EYS: variants seen among roughly 807,000 people sequenced by gnomAD.
EYS encodes protein eyes shut homolog.
In EYS, 250 loss-of-function variants were observed where a neutral mutation model predicts 282.1. That is an observed-to-expected ratio of 0.89 (90% CI 0.80 to 0.98). The LOEUF is 0.98. Among genes scored for constraint, EYS ranks in the 50% least tolerant of loss-of-function variants. The pLI is 0.00. For missense variants in EYS, 4,016 were observed against 3,709.0 expected, an observed-to-expected ratio of 1.08 and a Z score of -2.15; for synonymous variants, 1,355 against 1,282.9, an observed-to-expected ratio of 1.06 and a Z score of -1.20.
chr6:65,443,236 A>G (rs1048332448), intron 5 of EYS, among the ~76,000 whole-genome samples: 3 of 151,784 alleles, frequency 2.0e-5, no homozygotes, highest in African/African-American at 7.2e-5. Flanking sequence ...GTATGTGAAC[A>G]TATAGACATA....
intron 36 of EYS, among the ~76,000 whole-genome samples, chr6:63,843,961 A>G (rs1024546506): frequency 6.6e-6 from 1 of 152,180 alleles, no homozygotes; most frequent in African/African-American, 2.4e-5. Flanking sequence ...TCACCTGGGC[A>G]TTAAACCCAG....
At chr6:65,148,176 C>T (rs1764524618) in intron 12 of EYS, among the ~76,000 whole-genome samples, 4 of 152,104 alleles carry the variant, frequency 2.6e-5, no homozygotes, top group Admixed American at 1.3e-4. Flanking sequence ...TTAACTGATT[C>T]CAGCATGAAC....
At chr6:64,096,196 A>G (rs1199672661) in intron 31 of EYS, among the ~76,000 whole-genome samples, 1 of 152,090 alleles carries the variant, frequency 6.6e-6, no homozygotes, top group Admixed American at 6.6e-5. Flanking sequence ...TTTATCCTTC[A>G]TTTCAACTTT....
chr6:64,393,345 C>A (rs1310139895), intron 28 of EYS, among the ~76,000 whole-genome samples: 4 of 152,162 alleles, frequency 2.6e-5, no homozygotes, highest in Non-Finnish European at 5.9e-5. Flanking sequence ...GAATTTTAGA[C>A]CAATATCCTT....
Position 65,495,853 on chromosome 6 carries a change from AC to A in EYS, c.-198+5del. The A allele has an allele frequency of 5.7e-6, 1 of 175,484 alleles. No homozygotes were observed. The highest frequency in any genetic ancestry group is 1.3e-4 in the South Asian group (1 of 7,872). The allele number at this position is 175,484 out of a possible 1,614,324, so 10.9% of individuals were successfully genotyped here. ...GTTTCATGACATAATTAAGCCAGCA[AC>A]TTACTGCGGTCTTTTGTGTTTTCTC... On this transcript the variant is annotated splice_donor_5th_base_variant and intron_variant, in intron 3 of 42. Transcript: ENST00000503581.
At chr6:64,311,979 G>GTTTTTTT (rs61332669) in intron 29 of EYS, among the ~76,000 whole-genome samples, 1 of 139,946 alleles carries the variant, frequency 7.1e-6, no homozygotes, top group African/African-American at 2.8e-5. Flanking sequence ...GCTGCAGAAG[G>GTTTTTTT]TTTTTTTTTT....
At chr6:64,734,178 T>C (rs1336471008) in intron 22 of EYS, among the ~76,000 whole-genome samples, 3 of 151,758 alleles carry the variant, frequency 2.0e-5, no homozygotes, top group Non-Finnish European at 2.9e-5. Context: ...GCTGGCCATA[T>C]GGAGAAATTC....
intron 5 of EYS, among the ~76,000 whole-genome samples, chr6:65,445,722 A>C: frequency 6.6e-6 from 1 of 151,836 alleles, no homozygotes; most frequent in Non-Finnish European, 1.5e-5. Context: ...TTTATATAGA[A>C]ATAATATATC....
At chr6:65,227,155 A>C (rs1426620199) in intron 12 of EYS, among the ~76,000 whole-genome samples, 6 of 147,074 alleles carry the variant, frequency 4.1e-5, no homozygotes, top group African/African-American at 1.1e-4. Context: ...CAACAACAAC[A>C]ACCAAAAAAA....
At chr6:64,431,145 G>A (rs1225284296) in intron 28 of EYS, among the ~76,000 whole-genome samples, 1 of 152,100 alleles carries the variant, frequency 6.6e-6, no homozygotes, top group Non-Finnish European at 1.5e-5. Flanking sequence ...TACACATTCA[G>A]GCTTTACCCT....
chr6:64,795,000 C>A (rs1229911126), intron 22 of EYS, among the ~76,000 whole-genome samples: 1 of 151,968 alleles, frequency 6.6e-6, no homozygotes, highest in African/African-American at 2.4e-5. Flanking sequence ...TTTGGCAGGC[C>A]GAGGCAGGTG....
chr6:64,486,517 T>G (rs1776582735), intron 26 of EYS, among the ~76,000 whole-genome samples: 1 of 151,448 alleles, frequency 6.6e-6, no homozygotes, highest in African/African-American at 2.4e-5. Context: ...TTTAACATAT[T>G]TACTGCTAAG....
At chr6:65,032,683 T>A (rs920996592) in intron 13 of EYS, among the ~76,000 whole-genome samples, 2 of 152,112 alleles carry the variant, frequency 1.3e-5, no homozygotes, top group East Asian at 3.9e-4. Context: ...CTCTCTTTTT[T>A]TTTTTAAATA....
chr6:65,231,301 G>GA (rs1054381325), intron 12 of EYS, among the ~76,000 whole-genome samples: 1 of 150,120 alleles, frequency 6.7e-6, no homozygotes, highest in African/African-American at 2.4e-5. Flanking sequence ...TATTAGATCA[G>GA]AAAAAATAAA....
chr6:64,557,868 A>G (rs945512980), intron 26 of EYS, among the ~76,000 whole-genome samples: 2 of 143,092 alleles, frequency 1.4e-5, no homozygotes, highest in African/African-American at 2.8e-5. Context: ...ACTACAATGT[A>G]TGTCAGAACT....
intron 12 of EYS, among the ~76,000 whole-genome samples, chr6:65,148,985 G>A (rs1026244340): frequency 1.3e-5 from 2 of 152,058 alleles, no homozygotes; most frequent in African/African-American, 2.4e-5. Context: ...GCACGGAGTG[G>A]GGAGCCCTGG....
At chr6:64,648,167 C>T (rs192168540) in intron 22 of EYS, among the ~76,000 whole-genome samples, 6 of 152,238 alleles carry the variant, frequency 3.9e-5, no homozygotes. Context: ...TGTTATCTCA[C>T]CTACCTGGTA....
chr6:64,902,085 A>G, intron 18 of EYS, 28 bp downstream of exon 18: 2 of 1,448,770 alleles, frequency 1.4e-6, no homozygotes, highest in East Asian at 2.5e-5. Context: ...ACATCAAATA[A>G]TTAATTTAAT....
At chr6:65,071,582 C>T (rs1274461103) in intron 12 of EYS, among the ~76,000 whole-genome samples, 3 of 151,762 alleles carry the variant, frequency 2.0e-5, no homozygotes, top group African/African-American at 7.2e-5. Flanking sequence ...TACATACTCA[C>T]ATATACCAAC....
Sources: gnomAD v4.1 joint callset for allele counts (sites outside exome capture counted in the v4.1 genomes callset) on GRCh38, gnomAD v4.1.1 for gene constraint, MANE v1.5 for transcripts, NCBI Gene and HGNC (gene_info 2026-07-23, HGNC 2026-07-21) for gene names.